The following CTTNBP2 variants were observed in gnomAD, a reference collection of about 807,000 sequenced individuals.
CTTNBP2 encodes the protein cortactin binding protein 2, also known as cortactin-binding protein 2.
CTTNBP2 carries 108 observed loss-of-function variants against 156.9 expected under a neutral mutation model. The ratio of observed to expected loss-of-function variants is 0.69; its 90% CI spans 0.59 to 0.81. The LOEUF (loss-of-function observed/expected upper bound fraction) is 0.81. CTTNBP2 is among the 30% of genes least tolerant of loss of function. The pLI is 0.00. For missense variants in CTTNBP2, 1,924 were observed against 2,035.4 expected (o/e 0.95, Z 1.05); for synonymous variants, 767 against 751.8 (o/e 1.02, Z -0.33).
intron 14 of CTTNBP2, among the ~76,000 whole-genome samples, chr7:117,745,259 A>C (rs2116555766): frequency 6.6e-6 from 1 of 152,250 alleles, no homozygotes; most frequent in East Asian, 1.9e-4. Flanking sequence ...CCCTTTCCCC[A>C]CCTTTGAAAG....
intron 3 of CTTNBP2, among the ~76,000 whole-genome samples, chr7:117,799,191 TAC>T (rs1304365415): frequency 6.6e-6 from 1 of 151,802 alleles, no homozygotes; most frequent in Admixed American, 6.6e-5. Context: ...ATTACCTTTA[TAC>T]AAAACAAAAA....
chr7:117,755,224 G>GA (rs1429611080), intron 12 of CTTNBP2: 1 of 192,138 alleles, frequency 5.2e-6, no homozygotes, highest in African/African-American at 2.4e-5. Flanking sequence ...GTGAGGCTTT[G>GA]AATGTTTCTC....
chr7:117,853,086 T>A (rs1353557450), intron 2 of CTTNBP2, among the ~76,000 whole-genome samples: 1 of 152,124 alleles, frequency 6.6e-6, no homozygotes, highest in Non-Finnish European at 1.5e-5. Context: ...TTAAGCTTCA[T>A]CTCCATCCCC....
intron 14 of CTTNBP2, among the ~76,000 whole-genome samples, chr7:117,737,196 G>A (rs984547308): frequency 1.3e-5 from 2 of 152,128 alleles, no homozygotes; most frequent in African/African-American, 4.8e-5. Flanking sequence ...AAAATTCTAT[G>A]TTTCTTTGGG....
At chr7:117,856,998 C>G (rs753103971) in intron 2 of CTTNBP2, among the ~76,000 whole-genome samples, 1 of 152,142 alleles carries the variant, frequency 6.6e-6, no homozygotes, top group Admixed American at 6.5e-5. Flanking sequence ...AAATTGTGTA[C>G]GCAGATTTTG....
intron 2 of CTTNBP2, among the ~76,000 whole-genome samples, chr7:117,820,508 T>C (rs2117023130): frequency 6.6e-6 from 1 of 152,368 alleles, no homozygotes; most frequent in East Asian, 1.9e-4. Context: ...GTTGCATATA[T>C]TTAGCTTTTA....
At chr7:117,728,400 G>A (rs1795223503) in intron 16 of CTTNBP2, 133 bp from the exon 17 acceptor site, 1 of 657,910 alleles carries the variant, frequency 1.5e-6, no homozygotes, top group Non-Finnish European at 2.6e-6. Flanking sequence ...TACTTGGGAT[G>A]GCTGAAGGAG....
At position 117,810,793 on chromosome 7, in the gene CTTNBP2, A is replaced by T; in HGVS notation, c.386T>A (p.Leu129Gln). Residue 129 changes from leucine (L) to glutamine (Q), a missense_variant, in exon 3 of 23, where the codon CTG becomes CAG. Transcript: ENST00000160373. ...CTTTTGTCTGCTCTCAGCAGCAGCC[A>T]GCTGTGCGGACATCCTTTCTTGCAT... ...KKMQERMSAQ[L>Q]AAAESRQKKL... 1 of 1,613,586 alleles carries T rather than the reference A, an allele frequency of 6.2e-7. No homozygotes were observed. The highest frequency in any genetic ancestry group is 8.5e-7 in the Non-Finnish European group (1 of 1,179,996).
intron 2 of CTTNBP2, among the ~76,000 whole-genome samples, chr7:117,820,429 GT>G (rs1370544899): frequency 6.6e-6 from 1 of 152,072 alleles, no homozygotes; most frequent in Non-Finnish European, 1.5e-5. Flanking sequence ...AAAGTTTCAT[GT>G]TTTTTATCTT....
chr7:117,781,736 A>AAAAG (rs1212886111), intron 6 of CTTNBP2, among the ~76,000 whole-genome samples: 2 of 152,166 alleles, frequency 1.3e-5, no homozygotes, highest in Non-Finnish European at 2.9e-5. Context: ...GACTCCGTCT[A>AAAAG]AAAGAAAGAA....
At chr7:117,719,409 A>G (rs1794650848) in intron 21 of CTTNBP2, 95 bp downstream of exon 21, 1 of 1,182,490 alleles carries the variant, frequency 8.5e-7, no homozygotes. Context: ...TAACCATACT[A>G]TCAATAAGGA....
intron 12 of CTTNBP2, among the ~76,000 whole-genome samples, chr7:117,754,413 C>T (rs994752385): frequency 2.0e-5 from 3 of 152,166 alleles, no homozygotes; most frequent in Non-Finnish European, 4.4e-5. Flanking sequence ...TTCTTTACCA[C>T]TAGAAGGTAA....
At chr7:117,873,172 C>G (rs373226421) in intron 1 of CTTNBP2, among the ~76,000 whole-genome samples, 163 bp downstream of exon 1, 1 of 152,076 alleles carries the variant, frequency 6.6e-6, no homozygotes, top group Non-Finnish European at 1.5e-5. Flanking sequence ...CGGCCTCCGC[C>G]GTGTGGGCAT....
chr7:117,871,443 A>G, intron 1 of CTTNBP2: 1 of 156,298 alleles, frequency 6.4e-6, no homozygotes. Context: ...GCAACCCTAA[A>G]GGATTCTATG....
intron 3 of CTTNBP2, among the ~76,000 whole-genome samples, chr7:117,809,306 G>T (rs1443578625): frequency 6.6e-6 from 1 of 152,180 alleles, no homozygotes; most frequent in Non-Finnish European, 1.5e-5. Flanking sequence ...TTTTAGGAAA[G>T]TGTTTTTTAT....
chr7:117,734,992 C>T lies in CTTNBP2; in HGVS notation c.3797G>A (p.Arg1266His), dbSNP rs200782612. ...GCCATCCCACCGCAGCTGCACCCAGCGGAAATGCTGCTGCACCAGCAAGTC... is the reference window on the plus strand; with the variant it reads ...GCCATCCCACCGCAGCTGCACCCAGTGGAAATGCTGCTGCACCAGCAAGTC... ...GSDLLVQQHFRWVQLRWDGEP... is the reference protein window; with the variant it reads ...GSDLLVQQHFHWVQLRWDGEP... Residue 1266 changes from arginine to histidine, a missense_variant, in exon 16 of 23, where the codon CGC becomes CAC. Coordinates refer to ENST00000160373, the MANE Select transcript of CTTNBP2 (RefSeq NM_033427.3). The T allele has an allele frequency of 3.1e-5, 50 of 1,614,016 alleles. No individual in the cohort carries two copies. The highest frequency in any genetic ancestry group is 3.8e-5 in the Non-Finnish European group (45 of 1,179,980).
intron 18 of CTTNBP2, 37 bp from the exon 19 acceptor site, chr7:117,724,769 T>C: frequency 6.2e-7 from 1 of 1,603,370 alleles, no homozygotes. Context: ...ATAATGCAGT[T>C]TCACTGATTA....
chr7:117,802,269 T>A (rs1799662904), intron 3 of CTTNBP2, among the ~76,000 whole-genome samples: 1 of 151,824 alleles, frequency 6.6e-6, no homozygotes, highest in Admixed American at 6.6e-5. Flanking sequence ...GAAGGATTTC[T>A]TTTAAAAGCT....
At chr7:117,744,901 A>T (rs1037419316) in intron 14 of CTTNBP2, among the ~76,000 whole-genome samples, 5 of 152,136 alleles carry the variant, frequency 3.3e-5, no homozygotes, top group African/African-American at 1.2e-4. Flanking sequence ...CCCTGGCCAC[A>T]AGATATAGAA....
Sources: allele counts gnomAD v4.1 joint callset (sites outside exome capture counted in the v4.1 genomes callset), GRCh38; gene constraint gnomAD v4.1.1; transcripts MANE v1.5; gene names NCBI Gene and HGNC (gene_info 2026-07-23, HGNC 2026-07-21).